STK3: variants seen among roughly 807,000 people sequenced by gnomAD.
STK3 encodes serine/threonine kinase 3.
A neutral mutation model predicts 58.0 loss-of-function variants in STK3; 41 were observed. That is an observed-to-expected ratio of 0.71 (90% CI 0.55 to 0.92). The LOEUF (loss-of-function observed/expected upper bound fraction) is 0.92, where lower values mean the gene tolerates loss of function less well. STK3 is among the 40% of genes least tolerant of loss of function. STK3 has a pLI of 0.00. For missense variants in STK3, 479 were observed against 602.7 expected, an observed-to-expected ratio of 0.79 and a Z score of 2.15; for synonymous variants, 170 against 191.0, an observed-to-expected ratio of 0.89 and a Z score of 0.91.
chr8:98,376,469 A>G (rs1311085954), intron 2 of STK3, among the ~76,000 whole-genome samples: 2 of 152,194 alleles, frequency 1.3e-5, no homozygotes, highest in African/African-American at 4.8e-5. Flanking sequence ...ATATTTTAAT[A>G]CCATGTCTAA....
intron 3 of STK3, among the ~76,000 whole-genome samples, chr8:98,406,096 A>G (rs1343164257): frequency 1.3e-5 from 2 of 152,128 alleles, no homozygotes; most frequent in Non-Finnish European, 2.9e-5. Flanking sequence ...TCTTGTTCCA[A>G]AGTAGACTGG....
At chr8:98,467,088 C>A (rs758380032) in intron 10 of STK3, among the ~76,000 whole-genome samples, 3 of 152,134 alleles carry the variant, frequency 2.0e-5, no homozygotes, top group Non-Finnish European at 4.4e-5. Context: ...TAGTGGCACA[C>A]CAGTGGGTCT....
intron 10 of STK3, among the ~76,000 whole-genome samples, chr8:98,502,064 G>A (rs1196638507): frequency 4.6e-5 from 7 of 152,094 alleles, no homozygotes; most frequent in African/African-American, 1.7e-4. Flanking sequence ...ATTTGTTTGT[G>A]TCCTCTTTTA....
chr8:98,610,420 C>T (rs1157149148), intron 6 of STK3, among the ~76,000 whole-genome samples: 1 of 152,204 alleles, frequency 6.6e-6, no homozygotes, highest in Non-Finnish European at 1.5e-5. Context: ...TGCCTAGCTT[C>T]ATTTTACCAA....
chr8:98,869,848 T>A lies in STK3; in HGVS notation c.110+13799A>T, dbSNP rs533015962. 2.1e-3 allele frequency among the ~76,000 whole-genome samples: 317 copies of A among 151,824 alleles called. 2 individuals are homozygous for A. Among genetic ancestry groups the A allele is most frequent in the Non-Finnish European group, 2.9e-3 (199 of 67,894 alleles). On this transcript the variant is annotated intron_variant, in intron 3 of 12. Transcript: ENST00000523601. ...GGGATAATATATTTTTTCTTTTTTT[T>A]ATTATTATTATTATACTTTAAGTTC...
chr8:98,835,812 C>A (rs1835724910), intron 3 of STK3, among the ~76,000 whole-genome samples: 1 of 152,208 alleles, frequency 6.6e-6, no homozygotes, highest in Non-Finnish European at 1.5e-5. Context: ...TCCTTGGATG[C>A]TCTAGCTCAG....
At chr8:98,605,428 C>A (rs886364988) in intron 6 of STK3, among the ~76,000 whole-genome samples, 5 of 149,858 alleles carry the variant, frequency 3.3e-5, no homozygotes, top group African/African-American at 1.2e-4. Context: ...GGGAAGCAAG[C>A]ACACCTTTTT....
chr8:98,702,425 A>G (rs1376846840), intron 6 of STK3, among the ~76,000 whole-genome samples: 2 of 152,174 alleles, frequency 1.3e-5, no homozygotes, highest in Non-Finnish European at 2.9e-5. Flanking sequence ...AGACTATGAC[A>G]CCCTAAATAT....
intron 8 of STK3, among the ~76,000 whole-genome samples, chr8:98,548,687 C>T (rs942986781): frequency 3.3e-5 from 5 of 152,040 alleles, no homozygotes; most frequent in Non-Finnish European, 7.4e-5. Context: ...TGTTGTGCAA[C>T]CACCACCATT....
chr8:98,559,187 AAGTC>A (rs1264352575), intron 8 of STK3, among the ~76,000 whole-genome samples: 1 of 152,110 alleles, frequency 6.6e-6, no homozygotes, highest in African/African-American at 2.4e-5. Flanking sequence ...TGATGAGTAA[AAGTC>A]AGGCAAAACC....
At chr8:98,553,154 A>AACAGATAC (rs1476428379) in intron 8 of STK3, among the ~76,000 whole-genome samples, 1 of 152,138 alleles carries the variant, frequency 6.6e-6, no homozygotes, top group Non-Finnish European at 1.5e-5. Flanking sequence ...TTTAACATAC[A>AACAGATAC]ACAGATACAT....
intron 2 of STK3, among the ~76,000 whole-genome samples, chr8:98,774,288 T>C (rs554865309): frequency 6.6e-6 from 1 of 152,346 alleles, no homozygotes; most frequent in Non-Finnish European, 1.5e-5. Flanking sequence ...TTTGAAATCA[T>C]GTCAACTATT....
chr8:98,547,211 G>T lies in STK3; in HGVS notation c.1141+758C>A, dbSNP rs200870914. Among the ~76,000 whole-genome samples, 4 of 152,292 alleles carry T rather than the reference G, an allele frequency of 2.6e-5. No individual in the cohort carries two copies. The East Asian group carries it at 5.8e-4, about 22-fold the overall frequency. On this transcript the variant is annotated intron_variant, in intron 9 of 10. Coordinates refer to ENST00000419617, the MANE Select transcript of STK3 (RefSeq NM_006281.4). ...ACACTAACCACACAGGACTAGGGTA[G>T]GAGCATGACAGGAAGAAAAAGGTCA...
At chr8:98,697,380 T>C (rs1348763619) in intron 6 of STK3, among the ~76,000 whole-genome samples, 1 of 152,220 alleles carries the variant, frequency 6.6e-6, no homozygotes, top group African/African-American at 2.4e-5. Context: ...TGATTTTAGT[T>C]ACTTCTTGCC....
intron 1 of STK3, among the ~76,000 whole-genome samples, chr8:98,803,967 C>CT (rs888408571): frequency 5.3e-5 from 8 of 151,874 alleles, no homozygotes; most frequent in African/African-American, 1.9e-4. Context: ...TTATTAGGTT[C>CT]TTTTTTTGGC....
chr8:98,410,564 A>T (rs181639526), intron 3 of STK3, among the ~76,000 whole-genome samples: 3 of 152,356 alleles, frequency 2.0e-5, no homozygotes, highest in Non-Finnish European at 4.4e-5. Flanking sequence ...AAATGGGTGG[A>T]TATATAAAGA....
intron 9 of STK3, among the ~76,000 whole-genome samples, chr8:98,533,672 T>C (rs2131519700): frequency 6.6e-6 from 1 of 152,258 alleles, no homozygotes; most frequent in South Asian, 2.1e-4. Flanking sequence ...TTACTTTTTG[T>C]AGAGATGAGG....
intron 7 of STK3, among the ~76,000 whole-genome samples, chr8:98,580,302 AAATG>A (rs1348917212): frequency 6.6e-6 from 1 of 152,200 alleles, no homozygotes; most frequent in Non-Finnish European, 1.5e-5. Flanking sequence ...TTTTTTCAGA[AAATG>A]AATGTTGCCT....
intron 6 of STK3, among the ~76,000 whole-genome samples, chr8:98,617,555 T>C (rs1477585356): frequency 6.6e-6 from 1 of 151,294 alleles, no homozygotes; most frequent in African/African-American, 2.4e-5. Context: ...ACAAAATTGA[T>C]AGACCGCTAG....
Sources: gnomAD v4.1 joint callset for allele counts (sites outside exome capture counted in the v4.1 genomes callset) on GRCh38, gnomAD v4.1.1 for gene constraint, MANE v1.5 for transcripts, NCBI Gene and HGNC (gene_info 2026-07-23, HGNC 2026-07-21) for gene names.